Variants in OXR1 observed in about 807,000 individuals in gnomAD.
OXR1 encodes the protein oxidation resistance protein 1.
In OXR1, 41 loss-of-function variants were observed where a neutral mutation model predicts 104.6. The ratio of observed to expected loss-of-function variants is 0.39; its 90% CI spans 0.31 to 0.51. The LOEUF (loss-of-function observed/expected upper bound fraction) is 0.51. OXR1 is among the 20% of genes least tolerant of loss of function. OXR1 has a pLI of 0.77. For missense variants in OXR1, 955 were observed against 1,031.9 expected (o/e 0.93, Z 1.02); for synonymous variants, 348 against 348.4 (o/e 1.00, Z 0.01).
chr8:106,327,571 G>T (rs998303223), intron 1 of OXR1, among the ~76,000 whole-genome samples: 2 of 152,082 alleles, frequency 1.3e-5, no homozygotes, highest in Non-Finnish European at 2.9e-5. Flanking sequence ...CAATTGTAAT[G>T]CGTCTTGCTA....
chr8:106,603,884 C>T (rs1820157918), intron 3 of OXR1, among the ~76,000 whole-genome samples: 1 of 152,008 alleles, frequency 6.6e-6, no homozygotes. Context: ...GAAACCCCCT[C>T]TCTACTAAAA....
At chr8:106,405,174 A>AGTG (rs1174077859) in intron 2 of OXR1, among the ~76,000 whole-genome samples, 1 of 39,686 alleles carries the variant, frequency 2.5e-5, no homozygotes, top group Non-Finnish European at 4.2e-5. Flanking sequence ...ATATATATAT[A>AGTG]TATATATATA....
At chr8:106,337,214 G>T (rs924466381) in intron 1 of OXR1, among the ~76,000 whole-genome samples, 36 of 152,140 alleles carry the variant, frequency 2.4e-4, no homozygotes, top group African/African-American at 8.7e-4. Flanking sequence ...GAACAATTTG[G>T]AAGTAATTAT....
chr8:106,424,187 C>A (rs11990041), intron 2 of OXR1, among the ~76,000 whole-genome samples: 13 of 152,078 alleles, frequency 8.5e-5, no homozygotes, highest in Non-Finnish European at 1.8e-4. Context: ...ATCCACCCCC[C>A]TCAGCCTCCC....
chr8:106,432,903 T>TTTA (rs1355841938), intron 2 of OXR1, among the ~76,000 whole-genome samples: 1 of 152,096 alleles, frequency 6.6e-6, no homozygotes, highest in African/African-American at 2.4e-5. Flanking sequence ...GTACATAAAG[T>TTTA]TTATCATACT....
intron 2 of OXR1, among the ~76,000 whole-genome samples, chr8:106,468,242 A>G (rs1044447268): frequency 6.6e-6 from 1 of 151,902 alleles, no homozygotes; most frequent in African/African-American, 2.4e-5. Context: ...TAGTAAGGAA[A>G]CAAACATGCA....
chr8:106,681,168 T>C (rs1828108513), intron 4 of OXR1, among the ~76,000 whole-genome samples: 1 of 152,238 alleles, frequency 6.6e-6, no homozygotes, highest in South Asian at 2.1e-4. Flanking sequence ...TCTCATTTAA[T>C]AGAATCACTG....
chr8:106,439,407 A>G (rs925868914), intron 2 of OXR1, among the ~76,000 whole-genome samples: 2 of 152,090 alleles, frequency 1.3e-5, no homozygotes, highest in African/African-American at 4.8e-5. Flanking sequence ...ACTGTGAGAA[A>G]AAAAAAGTTT....
chr8:106,707,190 G>A (rs1563731484), intron 9 of OXR1, 45 bp downstream of exon 9: 2 of 1,569,228 alleles, frequency 1.3e-6, no homozygotes, highest in Non-Finnish European at 8.8e-7. Context: ...CAATTGTATG[G>A]TGTCTCCGTC....
chr8:106,601,395 T>C (rs533237057), intron 3 of OXR1, among the ~76,000 whole-genome samples: 2 of 152,146 alleles, frequency 1.3e-5, no homozygotes, highest in Non-Finnish European at 2.9e-5. Context: ...AGCCCAAGAC[T>C]GAGGCGCAAG....
At chr8:106,398,895 T>A (rs539810565) in intron 2 of OXR1, among the ~76,000 whole-genome samples, 1 of 152,178 alleles carries the variant, frequency 6.6e-6, no homozygotes, top group African/African-American at 2.4e-5. Context: ...CTGAGTCTTA[T>A]TGTTCTCTAA....
chr8:106,397,521 G>T (rs1019283789), intron 2 of OXR1, among the ~76,000 whole-genome samples: 8 of 151,914 alleles, frequency 5.3e-5, no homozygotes, highest in South Asian at 2.1e-4. Context: ...ATTACTTATA[G>T]TCTCCGTGGG....
intron 16 of OXR1, among the ~76,000 whole-genome samples, chr8:106,750,022 G>C (rs1385909142): frequency 6.6e-6 from 1 of 151,748 alleles, no homozygotes; most frequent in Non-Finnish European, 1.5e-5. Context: ...TCCTATGCAG[G>C]AAACCAGAGT....
intron 2 of OXR1, among the ~76,000 whole-genome samples, chr8:106,509,233 A>G (rs1421993597): frequency 2.6e-5 from 4 of 152,210 alleles, no homozygotes; most frequent in African/African-American, 9.6e-5. Flanking sequence ...TCAAGCCCTA[A>G]TCTTTGGATT....
chr8:106,602,706 G>A (rs1198103457), intron 3 of OXR1, among the ~76,000 whole-genome samples: 1 of 151,982 alleles, frequency 6.6e-6, no homozygotes, highest in Non-Finnish European at 1.5e-5. Flanking sequence ...TATGCATGTT[G>A]TATTACATAT....
intron 1 of OXR1, among the ~76,000 whole-genome samples, chr8:106,344,615 G>A (rs1156746888): frequency 6.6e-6 from 1 of 152,162 alleles, no homozygotes; most frequent in Non-Finnish European, 1.5e-5. Context: ...GGGATTACAG[G>A]CATGAGCCAC....
rs182200076 is a variant in OXR1, at chr8:106,308,084, A to G, written c.-139+37717A>G. 5.3e-4 allele frequency among the ~76,000 whole-genome samples: 80 copies of G among 152,196 alleles called. No homozygotes were observed. In the East Asian group the frequency reaches 5.6e-3, roughly 11 times the overall value. On this transcript the variant is annotated intron_variant, in intron 1 of 16. Coordinates refer to ENST00000517566, the MANE Select transcript of OXR1 (RefSeq NM_001198533.2). ...TTGGCTCAGATGATTATGGAGACTG[A>G]GAAGTTTCACAATCTGTTGTCTGCA...
chr8:106,523,449 AAT>A (rs1813407274), intron 3 of OXR1, among the ~76,000 whole-genome samples: 1 of 152,144 alleles, frequency 6.6e-6, no homozygotes, highest in Non-Finnish European at 1.5e-5. Context: ...TGCAAATACC[AAT>A]ATATCTCAGA....
chr8:106,435,579 ATGAAT>A lies in OXR1; in HGVS notation c.23+75945_23+75949del, dbSNP rs542877644. On this transcript the variant is annotated intron_variant, in intron 2 of 16. Coordinates refer to ENST00000517566, the MANE Select transcript of OXR1 (RefSeq NM_001198533.2). ...ATAAGCACATCGGGGACTTCTGAAT[ATGAAT>A]TTATGTCCCATGTAAAGAACCAGTA... is the stretch of plus-strand genomic sequence containing the variant. Among the ~76,000 whole-genome samples, 49 of 152,282 alleles carry A rather than the reference ATGAAT, an allele frequency of 3.2e-4. No homozygotes were observed. In the South Asian group the frequency reaches 5.4e-3, roughly 17 times the overall value.
Sources: gnomAD v4.1 joint callset for allele counts (sites outside exome capture counted in the v4.1 genomes callset) on GRCh38, gnomAD v4.1.1 for gene constraint, MANE v1.5 for transcripts, NCBI Gene and HGNC (gene_info 2026-07-23, HGNC 2026-07-21) for gene names.